The following SHTN1 variants were observed in gnomAD, a reference collection of about 807,000 sequenced individuals.
SHTN1 encodes the protein shootin 1, also known as shootin-1.
Under a neutral mutation model 83.1 loss-of-function variants are expected in SHTN1, and 42 were observed. The ratio of observed to expected loss-of-function variants is 0.51; its 90% CI spans 0.39 to 0.65. The LOEUF (loss-of-function observed/expected upper bound fraction) is 0.65, where lower values mean the gene tolerates loss of function less well. Among genes scored for constraint, SHTN1 ranks in the 30% least tolerant of loss-of-function variants. SHTN1 has a pLI of 0.00. For missense variants in SHTN1, 622 were observed against 737.8 expected, an observed-to-expected ratio of 0.84 and a Z score of 1.82; for synonymous variants, 224 against 247.7, an observed-to-expected ratio of 0.90 and a Z score of 0.90.
At chr10:117,011,914 G>T (rs1218693198) in intron 2 of SHTN1, among the ~76,000 whole-genome samples, 1 of 152,090 alleles carries the variant, frequency 6.6e-6, no homozygotes, top group Non-Finnish European at 1.5e-5. Flanking sequence ...GCCGAGGAGG[G>T]CGGATCACGA....
At chr10:117,062,650 T>C (rs1374921497) in intron 1 of SHTN1, among the ~76,000 whole-genome samples, 1 of 152,170 alleles carries the variant, frequency 6.6e-6, no homozygotes, top group Non-Finnish European at 1.5e-5. Context: ...AAATGAGACA[T>C]TGTAATGTGT....
At chr10:117,107,123 T>C (rs997840441) in intron 1 of SHTN1, among the ~76,000 whole-genome samples, 1 of 152,194 alleles carries the variant, frequency 6.6e-6, no homozygotes, top group African/African-American at 2.4e-5. Context: ...TAGTAATCAA[T>C]TGAGCATTTA....
intron 16 of SHTN1, chr10:116,901,224 T>C (rs1847722585): frequency 1.0e-6 from 1 of 985,228 alleles, no homozygotes; most frequent in South Asian, 4.7e-5. Flanking sequence ...ACACATTCAA[T>C]AGCAGGATTA....
At chr10:117,020,308 G>A (rs1170342738) in intron 2 of SHTN1, among the ~76,000 whole-genome samples, 6 of 151,308 alleles carry the variant, frequency 4.0e-5, no homozygotes, top group East Asian at 3.9e-4. Flanking sequence ...TGGCCAACAC[G>A]GTGAAACCCT....
At chr10:117,086,033 G>A (rs1004506778) in intron 1 of SHTN1, among the ~76,000 whole-genome samples, 6 of 148,612 alleles carry the variant, frequency 4.0e-5, no homozygotes, top group African/African-American at 1.5e-4. Context: ...CGATTCTCCT[G>A]CCTCAGCCTC....
rs1415348888 is a variant in SHTN1, at chr10:116,911,402, C to T, written c.1359+388G>A. 7.4e-6 allele frequency: 11 copies of T among 1,484,254 alleles called. No individual in the cohort carries two copies. The East Asian group carries it at 2.5e-4, about 34-fold the overall frequency. 91.9% of individuals were successfully genotyped at this position (1,484,254 alleles called of 1,614,324 possible). ...CTATTTGGGGAGGAATTTAGCTTCACATTTAGGATTCTCCTTTTAGGCTTC... is the reference window on the plus strand; with the variant it reads ...CTATTTGGGGAGGAATTTAGCTTCATATTTAGGATTCTCCTTTTAGGCTTC... On this transcript the variant is annotated intron_variant, in intron 14 of 16. Transcript: ENST00000355371.
intron 1 of SHTN1, among the ~76,000 whole-genome samples, chr10:116,987,005 G>A (rs1589871453): frequency 6.6e-6 from 1 of 152,014 alleles, no homozygotes; most frequent in East Asian, 1.9e-4. Flanking sequence ...GGGATTACAG[G>A]TGTGAACCAC....
At chr10:116,941,704 G>A (rs1422385691) in intron 8 of SHTN1, among the ~76,000 whole-genome samples, 1 of 152,118 alleles carries the variant, frequency 6.6e-6, no homozygotes, top group African/African-American at 2.4e-5. Flanking sequence ...TAAAACTCAG[G>A]ACAAAAATAT....
intron 1 of SHTN1, among the ~76,000 whole-genome samples, chr10:117,057,454 C>T (rs554967857): frequency 1.3e-5 from 2 of 152,164 alleles, no homozygotes; most frequent in Admixed American, 1.3e-4. Context: ...GAAGTGCAGA[C>T]AACACAGAGA....
chr10:116,935,637 G>T (rs951676759), intron 9 of SHTN1, among the ~76,000 whole-genome samples: 4 of 152,060 alleles, frequency 2.6e-5, no homozygotes, highest in Admixed American at 6.6e-5. Flanking sequence ...TTTTTTTGTT[G>T]TGTTTCTGCC....
At chr10:116,896,694 C>A (rs1847532915) in intron 16 of SHTN1, among the ~76,000 whole-genome samples, 2 of 152,104 alleles carry the variant, frequency 1.3e-5, no homozygotes. Context: ...CTTAGAGGAC[C>A]AGCAGAGCGG....
intron 2 of SHTN1, among the ~76,000 whole-genome samples, chr10:116,973,331 A>G (rs548579255): frequency 7.9e-5 from 12 of 152,328 alleles, no homozygotes; most frequent in African/African-American, 2.2e-4. Flanking sequence ...GCTAGCCTAT[A>G]GATAGGGCAG....
chr10:117,010,831 C>G (rs538569795), intron 2 of SHTN1, among the ~76,000 whole-genome samples: 7 of 152,138 alleles, frequency 4.6e-5, no homozygotes, highest in Non-Finnish European at 8.8e-5. Flanking sequence ...ACCAGGTGAT[C>G]ATCTCAATTG....
chr10:117,004,768 C>A (rs540515030), intron 1 of SHTN1, among the ~76,000 whole-genome samples: 1 of 152,356 alleles, frequency 6.6e-6, no homozygotes, highest in East Asian at 1.9e-4. Flanking sequence ...CGCCAGCAAA[C>A]GCAACCAGCG....
At chr10:117,070,356 G>A (rs1382279202) in intron 1 of SHTN1, among the ~76,000 whole-genome samples, 1 of 151,976 alleles carries the variant, frequency 6.6e-6, no homozygotes, top group African/African-American at 2.4e-5. Context: ...ACCACAGCCG[G>A]AGATTTTCTT....
Position 117,090,599 on chromosome 10 carries a change from T to C in SHTN1, c.-189+35708A>G, listed in dbSNP as rs76286468. On this transcript the variant is annotated intron_variant, in intron 1 of 17. Transcript: ENST00000392901. ...TTGAAATAAAACAAAACAATCACCA[T>C]TGGGTGGGCTCAAATAAAAGTTAAG... Among the ~76,000 whole-genome samples the C allele has an allele frequency of 3.7e-3, 556 of 152,260 alleles. 3 individuals carry two copies. The highest frequency in any genetic ancestry group is 0.012 in the African/African-American group (517 of 41,548).
At chr10:117,031,095 A>G (rs948211324) in intron 2 of SHTN1, among the ~76,000 whole-genome samples, 2 of 152,210 alleles carry the variant, frequency 1.3e-5, no homozygotes, top group Non-Finnish European at 2.9e-5. Flanking sequence ...GGACAAATAA[A>G]GGATCCTAAA....
intron 7 of SHTN1, among the ~76,000 whole-genome samples, chr10:116,947,104 T>C (rs990789406): frequency 1.3e-5 from 2 of 152,252 alleles, no homozygotes; most frequent in Admixed American, 6.5e-5. Context: ...AATCAGAGCT[T>C]TGTACCAAGG....
At chr10:117,045,605 A>G (rs1852650081) in intron 2 of SHTN1, among the ~76,000 whole-genome samples, 1 of 152,242 alleles carries the variant, frequency 6.6e-6, no homozygotes, top group African/African-American at 2.4e-5. Flanking sequence ...TCTGACACAT[A>G]CAACTATGGC....
Sources: allele counts gnomAD v4.1 joint callset (sites outside exome capture counted in the v4.1 genomes callset), GRCh38; gene constraint gnomAD v4.1.1; transcripts MANE v1.5; gene names NCBI Gene and HGNC (gene_info 2026-07-23, HGNC 2026-07-21).